PSMD9: variants seen among roughly 807,000 people sequenced by gnomAD.
PSMD9 encodes proteasome 26S subunit, non-ATPase 9.
In PSMD9, 26 loss-of-function variants were observed where a neutral mutation model predicts 25.9. That is an observed-to-expected ratio of 1.00 (90% CI 0.73 to 1.39). The LOEUF (loss-of-function observed/expected upper bound fraction) is 1.39, where lower values mean the gene tolerates loss of function less well. PSMD9 is among the 40% of genes most tolerant of loss of function. The pLI is 0.00. For synonymous variants in PSMD9, 110 were observed against 114.5 expected (o/e 0.96, Z 0.25); for missense variants, 303 against 299.3 (o/e 1.01, Z -0.09).
Position 121,894,790 on chromosome 12 carries a change from C to T in PSMD9, c.190C>T (p.Arg64Trp), listed in dbSNP as rs146859499. ...GCTGGTGGACTGTGAGGGCTACCCC[C>T]GGTCAGACGTGGACCTGTACCAAGT... Reference protein sequence around the residue: ...EPLVDCEGYPRSDVDLYQVRT... With the variant: ...EPLVDCEGYPWSDVDLYQVRT... Residue 64 changes from arginine to tryptophan, a missense_variant, in exon 2 of 6, where the codon CGG (arginine) becomes TGG (tryptophan). Transcript: ENST00000541212. 4.6e-5 allele frequency: 74 copies of T among 1,614,002 alleles called. No homozygotes were observed. Among genetic ancestry groups the T allele is most frequent in the East Asian group, 2.0e-4 (9 of 44,886 alleles).
chr12:121,915,784 A>G, intron 4 of PSMD9, 72 bp from the exon 5 acceptor site: 1 of 1,281,110 alleles, frequency 7.8e-7, no homozygotes, highest in Non-Finnish European at 1.1e-6. Flanking sequence ...AAAAAATGGG[A>G]TCTCAGCATT....
chr12:121,895,137 C>T (rs186883947), intron 2 of PSMD9, among the ~76,000 whole-genome samples: 4 of 152,028 alleles, frequency 2.6e-5, no homozygotes, highest in African/African-American at 9.7e-5. Context: ...CTCAACCCCC[C>T]AGGCTCCAAG....
chr12:121,917,939 G>A lies in PSMD9; in HGVS notation c.*1628G>A, dbSNP rs148379848. 5 of 152,276 alleles carry A rather than the reference G, an allele frequency of 3.3e-5. No individual in the cohort carries two copies. The highest frequency in any genetic ancestry group is 1.2e-4 in the African/African-American group (5 of 41,542). 9.4% of individuals were successfully genotyped at this position (152,276 alleles called of 1,614,324 possible). The stretch of plus-strand genomic sequence containing the variant: ...CACTGGGGCATGGCAGTGTGGGCGG[G>A]GAGAATTATTCACATTCTCCTAAAA... On this transcript the variant is annotated 3_prime_UTR_variant, in exon 6 of 6. Transcript: ENST00000541212.
At chr12:121,897,886 A>G (rs1322122920) in intron 2 of PSMD9, 1 of 152,236 alleles carries the variant, frequency 6.6e-6, no homozygotes, top group Non-Finnish European at 1.5e-5. Flanking sequence ...TTTGAAATAC[A>G]CTGCAGAAAC....
At chr12:121,913,886 A>G (rs564624038) in intron 4 of PSMD9, among the ~76,000 whole-genome samples, 2 of 151,380 alleles carry the variant, frequency 1.3e-5, no homozygotes, top group African/African-American at 4.8e-5. Flanking sequence ...TTTTGATGGC[A>G]TCTTGTTTTA....
chr12:121,889,016 C>T (rs777282656), intron 1 of PSMD9, 22 bp downstream of exon 1: 3 of 1,570,184 alleles, frequency 1.9e-6, no homozygotes, highest in African/African-American at 2.7e-5. Context: ...TTCGGGGCGC[C>T]CCAAGTCGCC....
At position 121,888,850 on chromosome 12, in the gene PSMD9, G is replaced by A. The variant is rs758606237; in HGVS notation, c.-7G>A. On this transcript the variant is annotated 5_prime_UTR_variant, in exon 1 of 6. Coordinates refer to ENST00000541212, the MANE Select transcript of PSMD9 (RefSeq NM_002813.7). ...CGGGTCTCTGGAGTCGCGGCCCGGG[G>A]TTCACGATGTCCGACGAGGAAGCGA... The A allele has an allele frequency of 3.7e-6, 6 of 1,601,140 alleles. No homozygotes were observed. The African/African-American group carries it at 8.0e-5, about 21-fold the overall frequency.
intron 2 of PSMD9, chr12:121,897,654 C>T (rs1193050526): frequency 6.7e-6 from 1 of 149,932 alleles, no homozygotes; most frequent in African/African-American, 2.5e-5. Flanking sequence ...CCCGCCTCGG[C>T]CTCGACAGGC....
At position 121,899,757 on chromosome 12, in the gene PSMD9, G is replaced by A. The variant is rs145938110; in HGVS notation, c.365G>A (p.Arg122His). Residue 122 changes from arginine to histidine, a missense_variant, in exon 3 of 6, where the codon CGC (arginine) becomes CAC (histidine). Physicochemically the swap from Arg to His is conservative, Grantham distance 29 (BLOSUM62 0). Coordinates refer to ENST00000541212, the MANE Select transcript of PSMD9 (RefSeq NM_002813.7). ...GAGGCCCACAAAGAGGCCATGAGCC[G>A]CAAACTGGGTCAGAGTGAGAGCCAG... ...MAEAHKEAMS[R>H]KLGQSESQGP... 3.1e-4 allele frequency: 504 copies of A among 1,613,962 alleles called. No individual in the cohort carries two copies. Among genetic ancestry groups the A allele is most frequent in the Non-Finnish European group, 3.9e-4 (459 of 1,179,966 alleles).
chr12:121,905,671 G>T (rs1307347171), intron 4 of PSMD9, among the ~76,000 whole-genome samples: 2 of 151,696 alleles, frequency 1.3e-5, no homozygotes, highest in African/African-American at 4.9e-5. Context: ...GGGATTATAG[G>T]TGCCCACCAC....
Position 121,897,007 on chromosome 12 carries a change from CAT to C in PSMD9, c.241+2167_241+2168del, listed in dbSNP as rs555571235. Among the ~76,000 whole-genome samples, 739 of 151,830 alleles carry C rather than the reference CAT, an allele frequency of 4.9e-3. 7 individuals are homozygous for C. Among genetic ancestry groups the C allele is most frequent in the African/African-American group, 0.017 (706 of 41,388 alleles). On this transcript the variant is annotated intron_variant, in intron 2 of 5. Coordinates refer to ENST00000541212, the MANE Select transcript of PSMD9 (RefSeq NM_002813.7). ...CATACATGTGTATGTAAAATATACA[CAT>C]GCGTGTATATATGCAAAATACACAT...
chr12:121,917,793 G>GT lies in PSMD9; in HGVS notation c.*1484dup, dbSNP rs1442711361. 1 of 152,264 alleles carries GT rather than the reference G, an allele frequency of 6.6e-6. No individual in the cohort carries two copies. The highest frequency in any genetic ancestry group is 2.4e-5 in the African/African-American group (1 of 41,468). 9.4% of individuals were successfully genotyped at this position (152,264 alleles called of 1,614,324 possible). Reference sequence around the variant, plus strand: ...CCAATGTTTGCTGTTTAAATTGCATGTTCTAATTCCACGTATTTTCCAGTC... The same window carrying GT: ...CCAATGTTTGCTGTTTAAATTGCATGTTTCTAATTCCACGTATTTTCCAGTC... On this transcript the variant is annotated 3_prime_UTR_variant, in exon 6 of 6. Transcript: ENST00000541212.
At position 121,889,101 on chromosome 12, in the gene PSMD9, C is replaced by G. The variant is rs141549998; in HGVS notation, c.138+107C>G. 5.3e-5 allele frequency: 75 copies of G among 1,409,988 alleles called. No individual in the cohort carries two copies. In the African/African-American group the frequency reaches 8.5e-4, roughly 16 times the overall value. 87.3% of individuals were successfully genotyped at this position (1,409,988 alleles called of 1,614,324 possible). ...TTTGGGCGCTCCGCAACGGATCTCC[C>G]TGGGAGGCCCAAGGCGCCGCAAGTG... is the stretch of plus-strand genomic sequence containing the variant. On this transcript the variant is annotated intron_variant, in intron 1 of 5. Coordinates refer to ENST00000541212, the MANE Select transcript of PSMD9 (RefSeq NM_002813.7).
chr12:121,912,586 C>T (rs1879756676), intron 4 of PSMD9, among the ~76,000 whole-genome samples: 1 of 152,084 alleles, frequency 6.6e-6, no homozygotes, highest in African/African-American at 2.4e-5. Flanking sequence ...TCTATTTAGG[C>T]TGGGCGCTGT....
At chr12:121,903,754 T>C (rs1879469773) in intron 4 of PSMD9, among the ~76,000 whole-genome samples, 1 of 4,814 alleles carries the variant, frequency 2.1e-4, no homozygotes, top group South Asian at 4.2e-3. Flanking sequence ...GATCTTTTCT[T>C]TTTTTTTTTT....
At chr12:121,903,717 T>C (rs1879467650) in intron 4 of PSMD9, among the ~76,000 whole-genome samples, 1 of 151,582 alleles carries the variant, frequency 6.6e-6, no homozygotes, top group African/African-American at 2.4e-5. Flanking sequence ...GCCCTGTCTC[T>C]GTTTTCATTT....
chr12:121,899,864 A>G lies in PSMD9; in HGVS notation c.453+19A>G, dbSNP rs777904882. On this transcript the variant is annotated intron_variant, in intron 3 of 5. Coordinates refer to ENST00000541212, the MANE Select transcript of PSMD9 (RefSeq NM_002813.7). ...CATCGCGGTAATCCAGGGGTTGGCC[A>G]CTCAAGTCCATGCCCAGGGGACACG... 8.1e-6 allele frequency: 13 copies of G among 1,613,518 alleles called. No homozygotes were observed. Among genetic ancestry groups the G allele is most frequent in the Non-Finnish European group, 1.1e-5 (13 of 1,179,722 alleles).
At chr12:121,899,987 G>C in intron 3 of PSMD9, 142 bp downstream of exon 3, 1 of 983,940 alleles carries the variant, frequency 1.0e-6, no homozygotes. Context: ...ACTGACTGAG[G>C]CCTGTCGTGT....
chr12:121,915,755 C>T (rs1192090895), intron 4 of PSMD9, 101 bp from the exon 5 acceptor site: 12 of 1,023,472 alleles, frequency 1.2e-5, no homozygotes, highest in Admixed American at 2.3e-5. Context: ...AAATGTAAAT[C>T]TTTACCAATT....
Sources: gnomAD v4.1 joint callset for allele counts (sites outside exome capture counted in the v4.1 genomes callset) on GRCh38, gnomAD v4.1.1 for gene constraint, MANE v1.5 for transcripts, NCBI Gene and HGNC (gene_info 2026-07-23, HGNC 2026-07-21) for gene names.